The following KCNH7 variants were observed in gnomAD, a reference collection of about 807,000 sequenced individuals.
KCNH7 encodes voltage-gated inwardly rectifying potassium channel KCNH7.
A neutral mutation model predicts 120.8 loss-of-function variants in KCNH7; 49 were observed. The observed-to-expected ratio is 0.41, with a 90% CI of 0.32 to 0.51. KCNH7 has a LOEUF of 0.51. Among genes scored for constraint, KCNH7 ranks in the 20% least tolerant of loss-of-function variants. The pLI is 0.38. For missense variants in KCNH7, 1,097 were observed against 1,446.6 expected (o/e 0.76, Z 3.92); for synonymous variants, 547 against 516.1 (o/e 1.06, Z -0.81).
At chr2:162,696,468 T>C (rs542122954) in intron 2 of KCNH7, among the ~76,000 whole-genome samples, 11 of 152,252 alleles carry the variant, frequency 7.2e-5, no homozygotes, top group African/African-American at 2.6e-4. Flanking sequence ...ATAATGACCA[T>C]AGTAATTCCT....
chr2:162,555,372 A>T (rs893472319), intron 2 of KCNH7, among the ~76,000 whole-genome samples: 1 of 152,178 alleles, frequency 6.6e-6, no homozygotes, highest in Non-Finnish European at 1.5e-5. Context: ...TGCGAAATTT[A>T]CCAGACTTAC....
intron 2 of KCNH7, among the ~76,000 whole-genome samples, chr2:162,692,786 G>A (rs1686159330): frequency 1.3e-5 from 2 of 152,080 alleles, no homozygotes; most frequent in Non-Finnish European, 2.9e-5. Flanking sequence ...GGGGCCACAT[G>A]GGAGATCTTA....
At chr2:162,523,633 T>C (rs939456454) in intron 3 of KCNH7, among the ~76,000 whole-genome samples, 1 of 151,850 alleles carries the variant, frequency 6.6e-6, no homozygotes, top group African/African-American at 2.4e-5. Flanking sequence ...ACACCCACTT[T>C]TGACTTCAAC....
At chr2:162,716,368 G>C (rs1314085860) in intron 2 of KCNH7, among the ~76,000 whole-genome samples, 17 of 152,050 alleles carry the variant, frequency 1.1e-4, no homozygotes, top group Admixed American at 1.1e-3. Flanking sequence ...AAACTAAAAA[G>C]GCACTGAATT....
chr2:162,753,031 A>AAGGGTGT (rs1559116574), intron 2 of KCNH7, among the ~76,000 whole-genome samples: 1 of 127,766 alleles, frequency 7.8e-6, no homozygotes, highest in Non-Finnish European at 1.6e-5. Context: ...AAGAAAAGAA[A>AAGGGTGT]CCCTGACTAA....
intron 6 of KCNH7, among the ~76,000 whole-genome samples, chr2:162,450,801 G>T (rs928671335): frequency 6.6e-6 from 1 of 151,956 alleles, no homozygotes; most frequent in African/African-American, 2.4e-5. Context: ...GAGGAAAAAT[G>T]AAAGAGGATC....
intron 2 of KCNH7, among the ~76,000 whole-genome samples, chr2:162,639,444 A>G (rs745890147): frequency 1.3e-5 from 2 of 152,104 alleles, no homozygotes; most frequent in Non-Finnish European, 2.9e-5. Flanking sequence ...AGGTAACACT[A>G]CTAGAAATGG....
At chr2:162,538,500 C>T (rs1692189898) in intron 2 of KCNH7, among the ~76,000 whole-genome samples, 1 of 151,992 alleles carries the variant, frequency 6.6e-6, no homozygotes, top group Non-Finnish European at 1.5e-5. Context: ...AGTGCCAGGA[C>T]CCCTGGAGGC....
chr2:162,768,850 GA>G (rs1325752511), intron 2 of KCNH7: 1 of 152,292 alleles, frequency 6.6e-6, no homozygotes, highest in African/African-American at 2.4e-5. Flanking sequence ...AAGGAGGGGT[GA>G]AGAGGAGAGG....
At position 162,764,271 on chromosome 2, in the gene KCNH7, G is replaced by A. The variant is rs534192403; in HGVS notation, c.307+72266C>T. 2.6e-5 allele frequency among the ~76,000 whole-genome samples: 4 copies of A among 152,138 alleles called. No homozygotes were observed. In the South Asian group the frequency reaches 8.3e-4, roughly 32 times the overall value. ...AGAGAAATAGCAGCAGCTACAAGAA[G>A]CCATCATGCTTTGATTTTATGGCTA... On this transcript the variant is annotated intron_variant, in intron 2 of 15. Coordinates refer to ENST00000332142, the MANE Select transcript of KCNH7 (RefSeq NM_033272.4).
At chr2:162,430,164 G>A (rs2105508598) in intron 8 of KCNH7, among the ~76,000 whole-genome samples, 1 of 151,924 alleles carries the variant, frequency 6.6e-6, no homozygotes, top group South Asian at 2.1e-4. Context: ...TAGTACGACA[G>A]CACTATTTTT....
chr2:162,663,501 C>T (rs1361479600), intron 2 of KCNH7, among the ~76,000 whole-genome samples: 3 of 152,072 alleles, frequency 2.0e-5, no homozygotes, highest in Admixed American at 2.0e-4. Context: ...CTGATTATCA[C>T]TAAATTCTCC....
chr2:162,629,127 A>G (rs1344645687), intron 2 of KCNH7, among the ~76,000 whole-genome samples: 1 of 152,116 alleles, frequency 6.6e-6, no homozygotes, highest in East Asian at 1.9e-4. Flanking sequence ...ACACAGGCCA[A>G]CGCTGACTTT....
chr2:162,593,790 TG>T (rs1200670241), intron 2 of KCNH7, among the ~76,000 whole-genome samples: 1 of 152,056 alleles, frequency 6.6e-6, no homozygotes, highest in African/African-American at 2.4e-5. Context: ...TTCTACAGCT[TG>T]AGTATCCCTA....
chr2:162,537,926 G>T (rs768191281), intron 2 of KCNH7: 2 of 152,082 alleles, frequency 1.3e-5, no homozygotes, highest in Non-Finnish European at 2.9e-5. Flanking sequence ...ACTGCTGACT[G>T]ACTCCTTGCA....
chr2:162,682,894 G>T (rs920892802), intron 2 of KCNH7, among the ~76,000 whole-genome samples: 3 of 151,888 alleles, frequency 2.0e-5, no homozygotes. Context: ...GACAATAAAT[G>T]ATTTCTCAAT....
At chr2:162,673,725 T>C (rs917429350) in intron 2 of KCNH7, among the ~76,000 whole-genome samples, 2 of 152,126 alleles carry the variant, frequency 1.3e-5, no homozygotes, top group African/African-American at 4.8e-5. Flanking sequence ...TAAATGAGTG[T>C]TTTTGTTGGA....
At chr2:162,687,028 T>A (rs1181826273) in intron 2 of KCNH7, among the ~76,000 whole-genome samples, 2 of 152,122 alleles carry the variant, frequency 1.3e-5, no homozygotes, top group Non-Finnish European at 2.9e-5. Context: ...AAGGGCATCA[T>A]AAGCAGCAAC....
chr2:162,554,919 C>G (rs1437104878), intron 2 of KCNH7, among the ~76,000 whole-genome samples: 4 of 152,172 alleles, frequency 2.6e-5, no homozygotes, highest in Non-Finnish European at 5.9e-5. Context: ...CATGGAATAG[C>G]TTTCATTTAT....
Sources: gnomAD v4.1 joint callset for allele counts (sites outside exome capture counted in the v4.1 genomes callset) on GRCh38, gnomAD v4.1.1 for gene constraint, MANE v1.5 for transcripts, NCBI Gene and HGNC (gene_info 2026-07-23, HGNC 2026-07-21) for gene names.